The following ONECUT2 variants were observed in gnomAD, a reference collection of about 807,000 sequenced individuals.
ONECUT2 encodes one cut domain family member 2.
In ONECUT2, 10 loss-of-function variants were observed where a neutral mutation model predicts 27.9. That is an observed-to-expected ratio of 0.36 (90% CI 0.22 to 0.61). The LOEUF (loss-of-function observed/expected upper bound fraction) is 0.61, where lower values mean the gene tolerates loss of function less well. Among genes scored for constraint, ONECUT2 ranks in the 20% least tolerant of loss-of-function variants. ONECUT2 has a pLI of 0.73. For missense variants in ONECUT2, 686 were observed against 721.0 expected, an observed-to-expected ratio of 0.95 and a Z score of 0.56; for synonymous variants, 334 against 315.1, an observed-to-expected ratio of 1.06 and a Z score of -0.64.
At chr18:57,440,899 C>A (rs1239840193) in intron 1 of ONECUT2, among the ~76,000 whole-genome samples, 1 of 152,242 alleles carries the variant, frequency 6.6e-6, no homozygotes, top group Non-Finnish European at 1.5e-5. Context: ...TGAACGCAAC[C>A]CGTGCCAGTA....
intron 1 of ONECUT2, among the ~76,000 whole-genome samples, chr18:57,465,909 C>T (rs2050318616): frequency 1.3e-5 from 2 of 152,304 alleles, no homozygotes; most frequent in Non-Finnish European, 2.9e-5. Flanking sequence ...GATGTGCACT[C>T]ATCTCCTGCA....
intron 1 of ONECUT2, among the ~76,000 whole-genome samples, chr18:57,453,793 G>A (rs1280159494): frequency 6.6e-6 from 1 of 152,218 alleles, no homozygotes; most frequent in Non-Finnish European, 1.5e-5. Flanking sequence ...TCCAACTTGG[G>A]TTTGAAAGCA....
Position 57,476,660 on chromosome 18 carries a change from G to T in ONECUT2, c.1452G>T (p.Lys484Asn), listed in dbSNP as rs1028683567. ...FMNARRRSLE[K>N]WQDDLSTGGS... is the part of the protein sequence containing the mutation. ...ACGCCCGGCGCCGCAGCCTGGAGAAGTGGCAAGACGATCTGAGCACAGGGG... is the reference window on the plus strand; with the variant it reads ...ACGCCCGGCGCCGCAGCCTGGAGAATTGGCAAGACGATCTGAGCACAGGGG... Residue 484 changes from lysine to asparagine, a missense_variant, in exon 2 of 2, where the codon AAG (lysine) becomes AAT (asparagine). This residue lies in a region of ONECUT2 where 77 missense variants were observed against 105.5 expected (regional missense o/e 0.73). Transcript: ENST00000491143. 6.2e-7 allele frequency: 1 copy of T among 1,614,106 alleles called. No individual in the cohort carries two copies. The highest frequency in any genetic ancestry group is 8.5e-7 in the Non-Finnish European group (1 of 1,180,060).
Position 57,467,889 on chromosome 18 carries a change from T to C in ONECUT2, c.1229-8548T>C, listed in dbSNP as rs76204775. On this transcript the variant is annotated intron_variant, in intron 1 of 1. Transcript: ENST00000491143. ...GGAGTGTGTATGTGTGCATCGTGCA[T>C]GGCCCCTCCTGCCTTCTTGTTCCTT... Among the ~76,000 whole-genome samples, 766 of 152,312 alleles carry C rather than the reference T, an allele frequency of 5.0e-3. 10 individuals are homozygous for C. The highest frequency in any genetic ancestry group is 0.018 in the African/African-American group (728 of 41,576).
At chr18:57,468,906 G>T (rs1308953331) in intron 1 of ONECUT2, among the ~76,000 whole-genome samples, 3 of 152,102 alleles carry the variant, frequency 2.0e-5, no homozygotes, top group Non-Finnish European at 4.4e-5. Context: ...TAGTTCCAAA[G>T]GAAGGGTTCT....
intron 1 of ONECUT2, among the ~76,000 whole-genome samples, chr18:57,457,564 C>A (rs1042081976): frequency 4.6e-5 from 7 of 152,200 alleles, no homozygotes; most frequent in Non-Finnish European, 7.3e-5. Flanking sequence ...TTCCCTTTCT[C>A]TCTGCATCCA....
chr18:57,443,423 G>C (rs2050186274), intron 1 of ONECUT2, among the ~76,000 whole-genome samples: 1 of 152,130 alleles, frequency 6.6e-6, no homozygotes, highest in Non-Finnish European at 1.5e-5. Flanking sequence ...ACTCTTCTTA[G>C]AGGGGAGAGT....
At chr18:57,449,288 A>T (rs1044608455) in intron 1 of ONECUT2, among the ~76,000 whole-genome samples, 16 of 152,354 alleles carry the variant, frequency 1.1e-4, no homozygotes, top group African/African-American at 1.9e-4. Flanking sequence ...AGGAGGTTAG[A>T]TACAGCATAC....
At chr18:57,464,320 CTTCTTATTTATTTT>C (rs1353233176) in intron 1 of ONECUT2, among the ~76,000 whole-genome samples, 2 of 152,054 alleles carry the variant, frequency 1.3e-5, no homozygotes, top group East Asian at 3.8e-4. Flanking sequence ...TAAATTTTCA[CTTCTTATTTATTTT>C]TTCTTATTTT....
rs933690571 is a variant in ONECUT2, at chr18:57,480,277, T to G, written c.*3554T>G. On this transcript the variant is annotated 3_prime_UTR_variant, in exon 2 of 2. Coordinates refer to ENST00000491143, the MANE Select transcript of ONECUT2 (RefSeq NM_004852.3). Reference sequence around the variant, plus strand: ...CTCCATGTTTCCTTTGTCAAAGGACTAAGAAAAGAGCATATTTCAGCAGAG... The same window carrying G: ...CTCCATGTTTCCTTTGTCAAAGGACGAAGAAAAGAGCATATTTCAGCAGAG... 6.6e-6 allele frequency: 1 copy of G among 152,214 alleles called. No homozygotes were observed. The highest frequency in any genetic ancestry group is 1.5e-5 in the Non-Finnish European group (1 of 68,044). The allele number at this position is 152,214 out of a possible 1,614,324, so 9.4% of individuals were successfully genotyped here. A position where few individuals can be genotyped will look rare whatever the true frequency, so the allele number is the denominator to read the frequency against.
intron 1 of ONECUT2, among the ~76,000 whole-genome samples, chr18:57,461,755 C>T (rs1411879354): frequency 6.6e-6 from 1 of 152,232 alleles, no homozygotes; most frequent in Non-Finnish European, 1.5e-5. Context: ...AGGAAATCTC[C>T]TGGACCCTTC....
At chr18:57,440,473 C>G (rs1318326379) in intron 1 of ONECUT2, among the ~76,000 whole-genome samples, 1 of 152,250 alleles carries the variant, frequency 6.6e-6, no homozygotes, top group Non-Finnish European at 1.5e-5. Context: ...CCCGGATCCC[C>G]CAGCGGCCTG....
intron 1 of ONECUT2, among the ~76,000 whole-genome samples, chr18:57,438,235 T>A (rs949263697): frequency 3.9e-5 from 6 of 152,154 alleles, no homozygotes; most frequent in Non-Finnish European, 5.9e-5. Context: ...AGGGGCAAAA[T>A]GTCCAGGTCC....
intron 1 of ONECUT2, among the ~76,000 whole-genome samples, chr18:57,471,172 G>A (rs2122146236): frequency 6.6e-6 from 1 of 152,278 alleles, no homozygotes; most frequent in Admixed American, 6.5e-5. Flanking sequence ...ATCATCCCTG[G>A]CTTGATGAGC....
chr18:57,451,409 G>A (rs1227220080), intron 1 of ONECUT2, among the ~76,000 whole-genome samples: 2 of 152,188 alleles, frequency 1.3e-5, no homozygotes, highest in African/African-American at 4.8e-5. Context: ...GCGCTGGGCA[G>A]GAAGCAGCTC....
At chr18:57,460,132 A>G (rs1321177168) in intron 1 of ONECUT2, among the ~76,000 whole-genome samples, 3 of 151,156 alleles carry the variant, frequency 2.0e-5, no homozygotes, top group Non-Finnish European at 4.4e-5. Context: ...TTGCTATGTT[A>G]CCCAGGCTAG....
In ONECUT2 at chr18:57,436,730, G is replaced by A. The variant is rs757071209; in HGVS notation, c.1014G>A (p.Val338=). The A allele has an allele frequency of 3.7e-6, 6 of 1,613,960 alleles. No homozygotes were observed. In the East Asian group the frequency reaches 8.9e-5, roughly 24 times the overall value. Residue 338 remains valine, a synonymous_variant, in exon 1 of 2, where the codon GTG becomes GTA. Coordinates refer to ENST00000491143, the MANE Select transcript of ONECUT2 (RefSeq NM_004852.3). The surrounding 1 kb of genome is among the most constrained non-coding windows in gnomAD (Gnocchi z 5.9). ...TGGAAGAAATCAACACCAAAGAGGT[G>A]GCCCAGCGCATCACAGCGGAGCTGA... is the stretch of plus-strand genomic sequence containing the variant. ...GQLEEINTKE[V]AQRITAELKR...
chr18:57,445,897 T>C (rs2050198519), intron 1 of ONECUT2, among the ~76,000 whole-genome samples: 1 of 152,244 alleles, frequency 6.6e-6, no homozygotes, highest in South Asian at 2.1e-4. Flanking sequence ...GGCTAATTGC[T>C]TTATTGGTAG....
chr18:57,483,540 T>G lies in ONECUT2; in HGVS notation c.*6817T>G, dbSNP rs1344283378. The G allele has an allele frequency of 3.3e-5, 5 of 152,576 alleles. No homozygotes were observed. The highest frequency in any genetic ancestry group is 6.5e-5 in the Admixed American group (1 of 15,270). 9.5% of individuals were successfully genotyped at this position (152,576 alleles called of 1,614,324 possible). On this transcript the variant is annotated 3_prime_UTR_variant, in exon 2 of 2. Coordinates refer to ENST00000491143, the MANE Select transcript of ONECUT2 (RefSeq NM_004852.3). ...GTATAGGATTTGGGTAATTATTTAATCATCCTTCCTTAGTTTGATTCTACT... is the reference window on the plus strand; with the variant it reads ...GTATAGGATTTGGGTAATTATTTAAGCATCCTTCCTTAGTTTGATTCTACT...
Sources: gnomAD v4.1 joint callset for allele counts (sites outside exome capture counted in the v4.1 genomes callset) on GRCh38, gnomAD v4.1.1 for gene constraint, gnomAD v4.1.1 regional missense constraint, Gnocchi (gnomAD v3.1) non-coding constraint, MANE v1.5 for transcripts, NCBI Gene and HGNC (gene_info 2026-07-23, HGNC 2026-07-21) for gene names.